The following COL4A3 variants were observed in gnomAD, a reference collection of about 807,000 sequenced individuals.
The protein encoded by COL4A3 is collagen alpha-3(IV) chain.
In COL4A3, 135 loss-of-function variants were observed where a neutral mutation model predicts 217.4. That is an observed-to-expected ratio of 0.62 (90% confidence interval 0.54 to 0.72). The LOEUF (loss-of-function observed/expected upper bound fraction) is 0.72, where lower values mean the gene tolerates loss of function less well. Among genes scored for constraint, COL4A3 ranks in the 30% least tolerant of loss-of-function variants. The pLI is 0.00. For synonymous variants in COL4A3, 690 were observed against 736.3 expected, an observed-to-expected ratio of 0.94 and a Z score of 1.02; for missense variants, 1,868 against 2,119.9, an observed-to-expected ratio of 0.88 and a Z score of 2.33.
At chr2:227,173,942 G>C (rs924464780) in intron 1 of COL4A3, among the ~76,000 whole-genome samples, 7 of 152,154 alleles carry the variant, frequency 4.6e-5, no homozygotes, top group Admixed American at 2.0e-4. Context: ...GTCTATGTAA[G>C]TGGCATCCAG....
At chr2:227,195,676 T>TGTGC (rs1456655017) in intron 1 of COL4A3, among the ~76,000 whole-genome samples, 2 of 150,226 alleles carry the variant, frequency 1.3e-5, no homozygotes, top group African/African-American at 4.9e-5. Context: ...TATGTGTGTG[T>TGTGC]GTGTGTGTGT....
chr2:227,307,611 TG>T, intron 47 of COL4A3, 98 bp from the exon 48 acceptor site: 1 of 1,014,408 alleles, frequency 9.9e-7, no homozygotes. Context: ...TTTCAATTTA[TG>T]GGCTCAACAT....
In COL4A3 at chr2:227,312,114, C is replaced by A; in HGVS notation, c.*244C>A. 3.7e-6 allele frequency: 2 copies of A among 544,360 alleles called. No homozygotes were observed. The highest frequency in any genetic ancestry group is 3.2e-6 in the Non-Finnish European group (1 of 311,814). 33.7% of individuals were successfully genotyped at this position (544,360 alleles called of 1,614,324 possible). On this transcript the variant is annotated 3_prime_UTR_variant, in exon 52 of 52. Transcript: ENST00000396578. Reference sequence around the variant, plus strand: ...AAAGCAGCAACTATTCACAAAATATCACCAAAAACCTATTCCACTTACATC... The same window carrying A: ...AAAGCAGCAACTATTCACAAAATATAACCAAAAACCTATTCCACTTACATC...
chr2:227,262,886 C>G (rs1325261421), intron 20 of COL4A3, among the ~76,000 whole-genome samples: 2 of 151,968 alleles, frequency 1.3e-5, no homozygotes, highest in African/African-American at 4.8e-5. Flanking sequence ...AGTAGGGTGA[C>G]TATAGTTAAC....
intron 4 of COL4A3, chr2:227,244,736 AT>A: frequency 1.4e-6 from 1 of 733,294 alleles, no homozygotes; most frequent in Non-Finnish European, 2.4e-6. Context: ...AAAGCCAAAA[AT>A]AATCTTAATG....
chr2:227,178,519 T>C (rs986240432), intron 1 of COL4A3, among the ~76,000 whole-genome samples: 1 of 151,886 alleles, frequency 6.6e-6, no homozygotes, highest in East Asian at 1.9e-4. Flanking sequence ...ATTTAGATGA[T>C]GAGGTAATGT....
chr2:227,252,099 G>C, intron 11 of COL4A3, among the ~76,000 whole-genome samples: 1 of 147,694 alleles, frequency 6.8e-6, no homozygotes, highest in African/African-American at 2.5e-5. Context: ...AAACAGAAGT[G>C]CAATTGTTAG....
intron 3 of COL4A3, among the ~76,000 whole-genome samples, chr2:227,242,052 A>G (rs554756631): frequency 6.6e-6 from 1 of 152,274 alleles, no homozygotes; most frequent in South Asian, 2.1e-4. Context: ...GTACCCCTCA[A>G]TTCAGTTATG....
Position 227,203,803 on chromosome 2 carries a change from C to A in COL4A3, c.88-34165C>A, listed in dbSNP as rs190911877. ...TATATGTGTGTATATATATACACTACAGTAGCAAAGTCATTTATTATCTCC... is the reference window on the plus strand; with the variant it reads ...TATATGTGTGTATATATATACACTAAAGTAGCAAAGTCATTTATTATCTCC... On this transcript the variant is annotated intron_variant, in intron 1 of 51. Transcript: ENST00000396578. Among the ~76,000 whole-genome samples, 8 of 150,144 alleles carry A rather than the reference C, an allele frequency of 5.3e-5. No individual in the cohort carries two copies. The Admixed American group carries it at 5.4e-4, about 10-fold the overall frequency.
At chr2:227,296,612 A>C (rs532432582) in intron 41 of COL4A3, 17 of 577,068 alleles carry the variant, frequency 2.9e-5, no homozygotes, top group Middle Eastern at 1.7e-3. Context: ...ATGAACATGA[A>C]ATATATAATC....
chr2:227,233,972 G>T lies in COL4A3; in HGVS notation c.88-3996G>T, dbSNP rs563154198. ...AATCAAACAGTTTTTCATTTTCTAT[G>T]GTCATTGAGGACCTTGTATAAGGCT... On this transcript the variant is annotated intron_variant, in intron 1 of 51. Transcript: ENST00000396578. 6.6e-5 allele frequency among the ~76,000 whole-genome samples: 10 copies of T among 152,252 alleles called. No homozygotes were observed. In the East Asian group the frequency reaches 1.9e-3, roughly 29 times the overall value.
chr2:227,302,349 G>A (rs941936000), intron 43 of COL4A3, among the ~76,000 whole-genome samples: 3 of 152,116 alleles, frequency 2.0e-5, no homozygotes, highest in Non-Finnish European at 4.4e-5. Context: ...CAACGGTTTT[G>A]TTGTCTTTGC....
In COL4A3 at chr2:227,282,374, G is replaced by A. The variant is rs779489401; in HGVS notation, c.2498G>A (p.Gly833Asp). 6.2e-7 allele frequency: 1 copy of A among 1,611,996 alleles called. No individual in the cohort carries two copies. Among genetic ancestry groups the A allele is most frequent in the East Asian group, 2.2e-5 (1 of 44,764 alleles). Residue 833 changes from glycine (G) to aspartate (D), a missense_variant, in exon 32 of 52, where the codon GGT becomes GAT. Physicochemically the swap from Gly to Asp is moderately conservative, Grantham distance 94. Transcript: ENST00000396578. This position sits in a 1 kb window ranked among gnomAD's most constrained non-coding sequence, Gnocchi z 4.4. ...NGLKGQQGRRGKTGPKGDPGI... is the reference protein window; with the variant it reads ...NGLKGQQGRRDKTGPKGDPGI... Reference sequence around the variant, plus strand: ...ATTTATTCGTACACAGGCAGAAGAGGTAAAACGGGGCCAAAGGGAGACCCA... The same window carrying A: ...ATTTATTCGTACACAGGCAGAAGAGATAAAACGGGGCCAAAGGGAGACCCA...
intron 18 of COL4A3, among the ~76,000 whole-genome samples, 168 bp downstream of exon 18, chr2:227,257,812 C>T (rs1245731324): frequency 1.3e-5 from 2 of 152,092 alleles, no homozygotes; most frequent in Non-Finnish European, 2.9e-5. Context: ...TCCCTTTGAC[C>T]ACGGGTAAAT....
At chr2:227,181,164 A>T (rs1191809554) in intron 1 of COL4A3, among the ~76,000 whole-genome samples, 2 of 152,244 alleles carry the variant, frequency 1.3e-5, no homozygotes, top group Admixed American at 6.5e-5. Context: ...ATTTCTGGGT[A>T]ACATTTAATA....
At position 227,280,557 on chromosome 2, in the gene COL4A3, A is replaced by C. The variant is rs1321738280; in HGVS notation, c.2341A>C (p.Thr781Pro). Residue 781 changes from threonine to proline, a missense_variant, in exon 30 of 52, where the codon ACT (threonine) becomes CCT (proline). By Grantham distance (38) the Thr-to-Pro change is conservative. Transcript: ENST00000396578. ...CCCTGGACTTCCAGGTCTCCCTGGA[A>C]CTCCAGGAAATGAAGGGCTTGATGG... is the stretch of plus-strand genomic sequence containing the variant. ...GLPGLPGLPG[T>P]PGNEGLDGPR... 2 of 1,613,746 alleles carry C rather than the reference A, an allele frequency of 1.2e-6. No individual in the cohort carries two copies. Among genetic ancestry groups the C allele is most frequent in the Non-Finnish European group, 1.7e-6 (2 of 1,179,930 alleles).
Position 227,238,773 on chromosome 2 carries a change from T to A in COL4A3, c.144+749T>A, listed in dbSNP as rs189760119. ...ATGCTAATTATAATAATTATACTTATTTTAAATTATTTCATAATTCACATG... is the reference window on the plus strand; with the variant it reads ...ATGCTAATTATAATAATTATACTTAATTTAAATTATTTCATAATTCACATG... On this transcript the variant is annotated intron_variant, in intron 2 of 51. Coordinates refer to ENST00000396578, the MANE Select transcript of COL4A3 (RefSeq NM_000091.5). Among the ~76,000 whole-genome samples the A allele has an allele frequency of 1.4e-3, 207 of 152,314 alleles. 2 individuals carry two copies. In the Middle Eastern group the frequency reaches 0.02, roughly 15 times the overall value.
chr2:227,165,127 G>T (rs114608674), intron 1 of COL4A3, among the ~76,000 whole-genome samples: 2,577 of 152,222 alleles, frequency 0.017, 33 homozygotes, highest in Middle Eastern at 0.048. Flanking sequence ...ATAGATAATC[G>T]CCAGGGATGA....
Position 227,290,769 on chromosome 2 carries a change from T to C in COL4A3, c.3093T>C (p.Thr1031=). The C allele has an allele frequency of 6.2e-7, 1 of 1,613,504 alleles. No homozygotes were observed. The highest frequency in any genetic ancestry group is 1.3e-5 in the African/African-American group (1 of 75,014). Residue 1031 remains threonine, a synonymous_variant, in exon 37 of 52, where the codon ACT becomes ACC. Coordinates refer to ENST00000396578, the MANE Select transcript of COL4A3 (RefSeq NM_000091.5). ...CAGGTTCTAAAGGAAAAAGGGGAAC[T>C]TTGGGATTCCCAGGTCGAGCAGGAA... ...GMPGSKGKRG[T]LGFPGRAGRP...
Sources: gnomAD v4.1 joint callset for allele counts (sites outside exome capture counted in the v4.1 genomes callset) on GRCh38, gnomAD v4.1.1 for gene constraint, Gnocchi (gnomAD v3.1) non-coding constraint, MANE v1.5 for transcripts, NCBI Gene and HGNC (gene_info 2026-07-23, HGNC 2026-07-21) for gene names.